ZBTB46: variants seen among roughly 807,000 people sequenced by gnomAD.
ZBTB46 encodes zinc finger and BTB domain containing 46.
In ZBTB46, 8 loss-of-function variants were observed where a neutral mutation model predicts 44.1. The observed-to-expected ratio is 0.18, with a 90% CI of 0.11 to 0.33. The LOEUF (loss-of-function observed/expected upper bound fraction) is 0.33. ZBTB46 is among the 10% of genes least tolerant of loss of function. The pLI is 1.00. For synonymous variants in ZBTB46, 409 were observed against 382.3 expected, an observed-to-expected ratio of 1.07 and a Z score of -0.81; for missense variants, 651 against 847.7, an observed-to-expected ratio of 0.77 and a Z score of 2.88.
intron 3 of ZBTB46, among the ~76,000 whole-genome samples, chr20:63,771,778 C>T (rs1177119771): frequency 6.6e-6 from 1 of 152,204 alleles, no homozygotes; most frequent in Non-Finnish European, 1.5e-5. Context: ...TTTGGAAAAT[C>T]CAAGTTTTTT....
At position 63,818,252 on chromosome 20, in the gene ZBTB46, G is replaced by A. The variant is rs1019929693; in HGVS notation, c.-34+12845C>T. ...GCCAGGTGAGGCATGCCTTGACCAC[G>A]GTCCTGCTGGAAAGCACGTGGCAAA... On this transcript the variant is annotated intron_variant, in intron 1 of 4. Transcript: ENST00000245663. Among the ~76,000 whole-genome samples, 26 of 152,346 alleles carry A rather than the reference G, an allele frequency of 1.7e-4. 1 individual carries two copies. Among genetic ancestry groups the A allele is most frequent in the Middle Eastern group, 3.4e-3 (1 of 294 alleles).
In ZBTB46 at chr20:63,795,761, C is replaced by T. The variant is rs139136281; in HGVS notation, c.-33-4971G>A. 8.2e-3 allele frequency among the ~76,000 whole-genome samples: 1,244 copies of T among 152,304 alleles called. 11 individuals are homozygous for T. Among genetic ancestry groups the T allele is most frequent in the Non-Finnish European group, 0.014 (966 of 68,028 alleles). On this transcript the variant is annotated intron_variant, in intron 1 of 4. Transcript: ENST00000245663. ...AGAATGACCACCGGCAAACAGGCTCCGCCAAACGTGGCTTCTATCCTCCTC... is the reference window on the plus strand; with the variant it reads ...AGAATGACCACCGGCAAACAGGCTCTGCCAAACGTGGCTTCTATCCTCCTC...
At chr20:63,824,563 C>T (rs922220197) in intron 1 of ZBTB46, among the ~76,000 whole-genome samples, 5 of 152,124 alleles carry the variant, frequency 3.3e-5, no homozygotes, top group Non-Finnish European at 7.4e-5. Flanking sequence ...TGCAGGACAA[C>T]TCAGAGGTTC....
intron 3 of ZBTB46, among the ~76,000 whole-genome samples, chr20:63,763,042 T>A (rs976973761): frequency 8.5e-5 from 13 of 152,142 alleles, no homozygotes; most frequent in African/African-American, 3.1e-4. Context: ...TTAATTCTTT[T>A]AGAGATGGGG....
intron 1 of ZBTB46, among the ~76,000 whole-genome samples, chr20:63,812,295 G>A (rs962129036): frequency 6.6e-5 from 10 of 151,756 alleles, no homozygotes; most frequent in Non-Finnish European, 1.3e-4. Flanking sequence ...AGATCACGAG[G>A]TCAGGAGATC....
chr20:63,789,980 C>A lies in ZBTB46; in HGVS notation c.778G>T (p.Ala260Ser), dbSNP rs1369552036. ...AVQNSFSEQS[A>S]GDAWQPTGRR... ...CCCGTGGGCTGCCAGGCATCACCAG[C>A]ACTCTGCTCTGAGAAAGAGTTCTGT... Residue 260 changes from alanine to serine, a missense_variant, in exon 2 of 5, where the codon GCT becomes TCT. By Grantham distance (99) the Ala-to-Ser change is moderately conservative (BLOSUM62 1). This residue lies in a region of ZBTB46 where 385 missense variants were observed against 423.3 expected (regional missense o/e 0.91). Coordinates refer to ENST00000245663, the MANE Select transcript of ZBTB46 (RefSeq NM_001369741.1). 1.9e-6 allele frequency: 3 copies of A among 1,614,008 alleles called. No homozygotes were observed. Among genetic ancestry groups the A allele is most frequent in the Non-Finnish European group, 2.5e-6 (3 of 1,180,048 alleles).
intron 4 of ZBTB46, among the ~76,000 whole-genome samples, chr20:63,748,722 CTCCA>C (rs2092129478): frequency 6.6e-6 from 1 of 152,246 alleles, no homozygotes. Flanking sequence ...CGGCTCCTCC[CTCCA>C]TCCACAGGGC....
At chr20:63,808,976 CAAAAAAAAAAAAAAA>C (rs1157399042) in intron 1 of ZBTB46, among the ~76,000 whole-genome samples, 3 of 75,232 alleles carry the variant, frequency 4.0e-5, no homozygotes, top group African/African-American at 1.4e-4. Flanking sequence ...GACTCCGCTT[CAAAAAAAAAAAAAAA>C]AAAAAAAAGA....
chr20:63,749,462 A>C (rs561286854), intron 4 of ZBTB46, among the ~76,000 whole-genome samples: 7,233 of 152,014 alleles, frequency 0.048, 233 homozygotes, highest in Middle Eastern at 0.14. Flanking sequence ...TCAGCCTCCC[A>C]AGTAGCTGGG....
At chr20:63,778,671 A>G (rs12710317) in intron 2 of ZBTB46, among the ~76,000 whole-genome samples, 82,235 of 151,708 alleles carry the variant, frequency 0.54, 22,437 homozygotes, top group South Asian at 0.62. Flanking sequence ...CGAGCTACCT[A>G]TGACTTCTTC....
At chr20:63,812,903 G>A (rs956489512) in intron 1 of ZBTB46, among the ~76,000 whole-genome samples, 10 of 152,118 alleles carry the variant, frequency 6.6e-5, no homozygotes, top group African/African-American at 1.9e-4. Flanking sequence ...ACAGCATCCC[G>A]ACCAACATGG....
chr20:63,822,892 G>A (rs2092800129), intron 1 of ZBTB46, among the ~76,000 whole-genome samples: 1 of 124,696 alleles, frequency 8.0e-6, no homozygotes, highest in African/African-American at 3.3e-5. Context: ...CGGGAGCGGT[G>A]GCACACACCT....
chr20:63,812,614 AAAG>A (rs1359358754), intron 1 of ZBTB46, among the ~76,000 whole-genome samples: 1 of 151,948 alleles, frequency 6.6e-6, no homozygotes, highest in Non-Finnish European at 1.5e-5. Flanking sequence ...GTCCCTAGTA[AAAG>A]AAATACAAAA....
chr20:63,791,374 T>C (rs901973719), intron 1 of ZBTB46, among the ~76,000 whole-genome samples: 28 of 151,736 alleles, frequency 1.8e-4, no homozygotes, highest in Non-Finnish European at 3.5e-4. Context: ...CGGGAGCCTG[T>C]AGTCCCAGCT....
intron 1 of ZBTB46, among the ~76,000 whole-genome samples, chr20:63,806,242 A>G (rs1020283783): frequency 4.2e-5 from 6 of 143,060 alleles, no homozygotes; most frequent in Non-Finnish European, 9.0e-5. Context: ...TCTCTACTAA[A>G]AGTTAAAAAA....
chr20:63,751,622 C>A (rs1270268000), intron 4 of ZBTB46, among the ~76,000 whole-genome samples: 1 of 151,854 alleles, frequency 6.6e-6, no homozygotes, highest in Non-Finnish European at 1.5e-5. Flanking sequence ...TTCCGCCCCC[C>A]AGTGGGTCTC....
chr20:63,822,302 C>T (rs1032259986), intron 1 of ZBTB46, among the ~76,000 whole-genome samples: 2 of 152,132 alleles, frequency 1.3e-5, no homozygotes, highest in African/African-American at 4.8e-5. Context: ...GTTCAAGCGC[C>T]CTGAATTCAC....
At chr20:63,751,122 A>C (rs1601388939) in intron 4 of ZBTB46, among the ~76,000 whole-genome samples, 2 of 138,844 alleles carry the variant, frequency 1.4e-5, no homozygotes, top group Non-Finnish European at 1.6e-5. Context: ...TGGTGCAGCT[A>C]CCCCTCCCCC....
At chr20:63,770,719 G>A (rs6512289) in intron 3 of ZBTB46, among the ~76,000 whole-genome samples, 41,005 of 152,076 alleles carry the variant, frequency 0.27, 5,821 homozygotes, top group Middle Eastern at 0.36. Context: ...GAACCACGGC[G>A]CATTCATGAC....
Sources: gnomAD v4.1 joint callset for allele counts (sites outside exome capture counted in the v4.1 genomes callset) on GRCh38, gnomAD v4.1.1 for gene constraint, gnomAD v4.1.1 regional missense constraint, MANE v1.5 for transcripts, NCBI Gene and HGNC (gene_info 2026-07-23, HGNC 2026-07-21) for gene names.